Variants in HACD2 observed in about 807,000 individuals in gnomAD.
The protein encoded by HACD2 is 3-hydroxyacyl-CoA dehydratase 2, also known as very-long-chain (3R)-3-hydroxyacyl-CoA dehydratase 2.
In HACD2, 15 loss-of-function variants were observed where a neutral mutation model predicts 31.0. The observed-to-expected ratio is 0.48, with a 90% CI of 0.32 to 0.75. The LOEUF is 0.75. Among genes scored for constraint, HACD2 ranks in the 30% least tolerant of loss-of-function variants. The pLI is 0.03. For synonymous variants in HACD2, 115 were observed against 122.2 expected, an observed-to-expected ratio of 0.94 and a Z score of 0.39; for missense variants, 283 against 313.0, an observed-to-expected ratio of 0.90 and a Z score of 0.72.
rs187536577 is a variant in HACD2 at position 123,502,648 on chromosome 3, T to C, written c.415A>G (p.Ile139Val). ...QSEDSVLLFV[I>V]AWTITEIIRY... is the part of the protein sequence containing the mutation. Reference sequence around the variant, plus strand: ...ATGATTTCCGTGATCGTCCATGCAATAACAAACAGGAGGACACTGTCTTCA... The same window carrying C: ...ATGATTTCCGTGATCGTCCATGCAACAACAAACAGGAGGACACTGTCTTCA... Residue 139 changes from isoleucine to valine, a missense_variant, in exon 5 of 7, where the codon ATT (isoleucine) becomes GTT (valine). Physicochemically the swap from Ile to Val is conservative, Grantham distance 29. Transcript: ENST00000383657. The C allele has an allele frequency of 1.6e-5, 26 of 1,605,880 alleles. No homozygotes were observed. The Admixed American group carries it at 3.7e-4, about 23-fold the overall frequency.
At chr3:123,526,884 T>A (rs969989277) in intron 4 of HACD2, among the ~76,000 whole-genome samples, 2 of 152,208 alleles carry the variant, frequency 1.3e-5, no homozygotes, top group African/African-American at 4.8e-5. Context: ...TTGTAAAGCA[T>A]TTTTGACGTA....
At chr3:123,549,263 A>G (rs2056593724) in intron 3 of HACD2, among the ~76,000 whole-genome samples, 1 of 152,156 alleles carries the variant, frequency 6.6e-6, no homozygotes, top group Non-Finnish European at 1.5e-5. Context: ...CTAATCTGCC[A>G]TTATTTATAG....
At chr3:123,556,892 A>G (rs1016919903) in intron 3 of HACD2, among the ~76,000 whole-genome samples, 5 of 152,350 alleles carry the variant, frequency 3.3e-5, no homozygotes, top group South Asian at 2.1e-4. Flanking sequence ...TAAAACAACA[A>G]CTACCACTAC....
chr3:123,559,253 G>A lies in HACD2; in HGVS notation c.292+8509C>T, dbSNP rs138494923. 9.6e-4 allele frequency among the ~76,000 whole-genome samples: 146 copies of A among 152,172 alleles called. 1 individual carries two copies. The highest frequency in any genetic ancestry group is 3.5e-3 in the African/African-American group (145 of 41,480). The stretch of plus-strand genomic sequence containing the variant: ...TACTAATACAAGGGTGCCATCTAGT[G>A]GTGACCATAGTAAACGTCTGTTACA... On this transcript the variant is annotated intron_variant, in intron 3 of 6. Transcript: ENST00000383657.
Position 123,517,916 on chromosome 3 carries a change from G to GCAATCTCTAGCTGA in HACD2, c.381+10469_381+10470insTCAGCTAGAGATTG, listed in dbSNP as rs1413404007. 4.4e-3 allele frequency among the ~76,000 whole-genome samples: 65 copies of GCAATCTCTAGCTGA among 14,652 alleles called. 25 individuals are homozygous for GCAATCTCTAGCTGA. Among genetic ancestry groups the GCAATCTCTAGCTGA allele is most frequent in the East Asian group, 1 (2 of 2 alleles). 9.6% of individuals were successfully genotyped at this position (14,652 alleles called of 152,430 possible). On this transcript the variant is annotated intron_variant, in intron 4 of 6. Transcript: ENST00000383657. ...CAGTGCTTTAAAAATATTTGGGCCGGGCGCGGTGGCTCACGCCTGTAATCC... is the reference window on the plus strand; with the variant it reads ...CAGTGCTTTAAAAATATTTGGGCCGGCAATCTCTAGCTGAGCGCGGTGGCTCACGCCTGTAATCC...
At chr3:123,576,359 C>G (rs1340103669) in intron 2 of HACD2, among the ~76,000 whole-genome samples, 4 of 151,966 alleles carry the variant, frequency 2.6e-5, no homozygotes, top group Non-Finnish European at 5.9e-5. Context: ...AGCAGTGAGG[C>G]CTGTGTGGGT....
intron 3 of HACD2, among the ~76,000 whole-genome samples, chr3:123,564,454 A>T (rs2056769880): frequency 6.6e-6 from 1 of 152,240 alleles, no homozygotes. Flanking sequence ...AGGAGGGCTC[A>T]GTCCAACGAA....
intron 4 of HACD2, among the ~76,000 whole-genome samples, chr3:123,522,465 G>T (rs2107700875): frequency 6.6e-6 from 1 of 152,082 alleles, no homozygotes; most frequent in East Asian, 1.9e-4. Flanking sequence ...GGGACAGGCA[G>T]AAAAACACTG....
intron 3 of HACD2, among the ~76,000 whole-genome samples, chr3:123,566,245 G>C (rs1310772763): frequency 1.3e-5 from 2 of 152,056 alleles, no homozygotes; most frequent in African/African-American, 4.8e-5. Context: ...GTAATCCCAG[G>C]TAAGAAGTGG....
intron 2 of HACD2, among the ~76,000 whole-genome samples, chr3:123,570,059 C>T (rs1201385266): frequency 1.6e-5 from 2 of 128,888 alleles, no homozygotes; most frequent in Non-Finnish European, 1.6e-5. Context: ...AGCAACAGGA[C>T]ACTGCAGGAG....
At chr3:123,544,902 T>C (rs1300623402) in intron 3 of HACD2, among the ~76,000 whole-genome samples, 2 of 151,778 alleles carry the variant, frequency 1.3e-5, no homozygotes, top group Non-Finnish European at 2.9e-5. Flanking sequence ...GGCAAAACCC[T>C]GTCTCTCCAA....
At chr3:123,557,112 C>T (rs538886474) in intron 3 of HACD2, among the ~76,000 whole-genome samples, 78 of 152,320 alleles carry the variant, frequency 5.1e-4, no homozygotes, top group African/African-American at 1.8e-3. Context: ...CCCTGGGCTG[C>T]GCAGCAGGAG....
Position 123,585,022 on chromosome 3 carries a change from C to A in HACD2, c.6G>T (p.Ala2=), listed in dbSNP as rs766386380. The change falls in exon 1 of 7, where the codon GCG becomes GCT. Residue 2 remains alanine, a synonymous_variant. Coordinates refer to ENST00000383657, the MANE Select transcript of HACD2 (RefSeq NM_198402.5). M[A]AVAATAAAKG... ...TCGCTGCTGCAGTCGCCGCCACTGC[C>A]GCCATGTCAAGTGCCCGAAGCCCGC... 1.3e-6 allele frequency: 2 copies of A among 1,504,030 alleles called. No homozygotes were observed. Among genetic ancestry groups the A allele is most frequent in the African/African-American group, 1.5e-5 (1 of 68,860 alleles). 93.2% of individuals were successfully genotyped at this position (1,504,030 alleles called of 1,614,324 possible). A position where few individuals can be genotyped will look rare whatever the true frequency, so the allele number is the denominator to read the frequency against.
intron 4 of HACD2, among the ~76,000 whole-genome samples, chr3:123,514,135 C>T (rs1403934890): frequency 1.3e-5 from 2 of 151,976 alleles, no homozygotes; most frequent in Non-Finnish European, 2.9e-5. Flanking sequence ...ATTAGCCGAG[C>T]GTGGTGGCAA....
Position 123,511,566 on chromosome 3 carries a change from T to C in HACD2, c.382-8885A>G, listed in dbSNP as rs58080052. 2.1e-3 allele frequency among the ~76,000 whole-genome samples: 319 copies of C among 152,270 alleles called. 1 individual carries two copies. Among genetic ancestry groups the C allele is most frequent in the African/African-American group, 7.5e-3 (310 of 41,546 alleles). ...ATAATAGGATTTGGACTTCAGGGAC[T>C]GAGTAGAAGAGGTTCACCAAGAAAG... On this transcript the variant is annotated intron_variant, in intron 4 of 6. Transcript: ENST00000383657.
intron 2 of HACD2, among the ~76,000 whole-genome samples, chr3:123,580,197 A>G (rs777532411): frequency 1.3e-5 from 2 of 152,064 alleles, no homozygotes; most frequent in Non-Finnish European, 2.9e-5. Flanking sequence ...AAAGAAAGAA[A>G]AAAAGAAATT....
At chr3:123,528,021 G>A (rs1418442978) in intron 4 of HACD2, among the ~76,000 whole-genome samples, 3 of 152,182 alleles carry the variant, frequency 2.0e-5, no homozygotes, top group Non-Finnish European at 4.4e-5. Context: ...AATTTGGGGA[G>A]AGTGAGGCAG....
At chr3:123,515,121 C>A (rs1362748507) in intron 4 of HACD2, among the ~76,000 whole-genome samples, 1 of 152,194 alleles carries the variant, frequency 6.6e-6, no homozygotes, top group African/African-American at 2.4e-5. Flanking sequence ...CGCAGACCAC[C>A]TCATGAAGGG....
At chr3:123,576,600 G>A (rs545772989) in intron 2 of HACD2, among the ~76,000 whole-genome samples, 8 of 152,280 alleles carry the variant, frequency 5.3e-5, no homozygotes, top group South Asian at 2.1e-4. Flanking sequence ...AGAATAAAAG[G>A]AGCCTAACAC....
Sources: allele counts gnomAD v4.1 joint callset (sites outside exome capture counted in the v4.1 genomes callset), GRCh38; gene constraint gnomAD v4.1.1; transcripts MANE v1.5; gene names NCBI Gene and HGNC (gene_info 2026-07-23, HGNC 2026-07-21).